ITGA9: variants seen among roughly 807,000 people sequenced by gnomAD.
ITGA9 encodes integrin alpha-9.
ITGA9 carries 56 observed loss-of-function variants against 127.8 expected under a neutral mutation model. The ratio of observed to expected loss-of-function variants is 0.44; its 90% CI spans 0.35 to 0.55. ITGA9 has a LOEUF of 0.55. Ranked by LOEUF, ITGA9 falls within the 20% of genes least tolerant of loss-of-function variation. ITGA9 has a pLI of 0.00. For synonymous variants in ITGA9, 508 were observed against 514.5 expected (o/e 0.99, Z 0.17); for missense variants, 1,196 against 1,347.1 (o/e 0.89, Z 1.76).
intron 5 of ITGA9, among the ~76,000 whole-genome samples, chr3:37,499,292 G>A (rs901075873): frequency 4.6e-5 from 7 of 152,234 alleles, no homozygotes; most frequent in Non-Finnish European, 7.3e-5. Flanking sequence ...GTTCAGCACG[G>A]ACTTCTGTTG....
At position 37,688,576 on chromosome 3, in the gene ITGA9, G is replaced by A. The variant is rs536974943; in HGVS notation, c.2067+4561G>A. On this transcript the variant is annotated intron_variant, in intron 18 of 27. Transcript: ENST00000264741. ...ACTCCTCAGCTCCTCATGAGAGGCC[G>A]TCCTGAGCCTGGTCCTGCCTGCCTG... is the stretch of plus-strand genomic sequence containing the variant. Among the ~76,000 whole-genome samples the A allele has an allele frequency of 2.2e-4, 33 of 152,220 alleles. No individual in the cohort carries two copies. The East Asian group carries it at 2.5e-3, about 12-fold the overall frequency.
chr3:37,522,843 A>C (rs1220069196), intron 11 of ITGA9, among the ~76,000 whole-genome samples: 1 of 152,002 alleles, frequency 6.6e-6, no homozygotes, highest in Non-Finnish European at 1.5e-5. Flanking sequence ...TGTTTTCTAG[A>C]GGGGAGGGCA....
chr3:37,801,889 G>A (rs901006927), intron 26 of ITGA9, among the ~76,000 whole-genome samples: 3 of 152,132 alleles, frequency 2.0e-5, no homozygotes, highest in East Asian at 1.9e-4. Context: ...CCTGGCACAC[G>A]CACACACTCT....
intron 8 of ITGA9, among the ~76,000 whole-genome samples, chr3:37,509,211 C>G (rs151226027): frequency 1.3e-5 from 2 of 152,280 alleles, no homozygotes; most frequent in African/African-American, 4.8e-5. Flanking sequence ...CTGGGTCCTC[C>G]CCACCCTGTC....
chr3:37,772,531 A>G (rs988072132), intron 23 of ITGA9, among the ~76,000 whole-genome samples: 4 of 151,950 alleles, frequency 2.6e-5, no homozygotes, highest in Non-Finnish European at 4.4e-5. Flanking sequence ...TGCAAGTGTT[A>G]GGTGCCGTTG....
rs1392086064 is a variant in ITGA9 at position 37,582,154 on chromosome 3, A to G, written c.1689+39569A>G. ...ATGACAATAGCAGCAAACAAACACC[A>G]TAGTGGTGATTTCATACTCATGAAA... On this transcript the variant is annotated intron_variant, in intron 15 of 27. Transcript: ENST00000264741. 2.0e-5 allele frequency among the ~76,000 whole-genome samples: 3 copies of G among 152,342 alleles called. No homozygotes were observed. In the East Asian group the frequency reaches 5.8e-4, roughly 29 times the overall value.
chr3:37,531,799 C>T (rs1699155274), intron 13 of ITGA9, among the ~76,000 whole-genome samples: 1 of 152,180 alleles, frequency 6.6e-6, no homozygotes, highest in African/African-American at 2.4e-5. Context: ...TTCACCGGAT[C>T]CCAGCCCTTG....
rs111431863 is a variant in ITGA9, at chr3:37,661,403, G to A, written c.1916+7613G>A. Among the ~76,000 whole-genome samples, 914 of 152,220 alleles carry A rather than the reference G, an allele frequency of 6.0e-3. 7 individuals carry two copies. The highest frequency in any genetic ancestry group is 0.027 in the Middle Eastern group (8 of 294). ...CGAATCCTCCATTAAAGAAACCTTC[G>A]TTGTACTTTTGGGCCCATAGCTGTT... is the stretch of plus-strand genomic sequence containing the variant. On this transcript the variant is annotated intron_variant, in intron 17 of 27. Coordinates refer to ENST00000264741, the MANE Select transcript of ITGA9 (RefSeq NM_002207.3).
chr3:37,488,727 G>A (rs1698636473), intron 4 of ITGA9, among the ~76,000 whole-genome samples: 1 of 151,980 alleles, frequency 6.6e-6, no homozygotes, highest in South Asian at 2.1e-4. Flanking sequence ...GAACCTGGGA[G>A]GCGGCGGTTG....
chr3:37,718,421 C>T (rs1056005747), intron 18 of ITGA9, among the ~76,000 whole-genome samples: 2 of 152,140 alleles, frequency 1.3e-5, no homozygotes, highest in African/African-American at 4.8e-5. Context: ...ACAGAGAGGA[C>T]CATAATACCA....
At chr3:37,605,440 CAG>C (rs1699959171) in intron 15 of ITGA9, among the ~76,000 whole-genome samples, 1 of 152,110 alleles carries the variant, frequency 6.6e-6, no homozygotes, top group African/African-American at 2.4e-5. Flanking sequence ...GGAGAGCAAG[CAG>C]AGAGTCTGAG....
chr3:37,787,047 G>GT (rs1160937216), intron 26 of ITGA9, among the ~76,000 whole-genome samples: 1 of 152,186 alleles, frequency 6.6e-6, no homozygotes, highest in Non-Finnish European at 1.5e-5. Context: ...TGGAGTTGGT[G>GT]TTTCCCTTTT....
At chr3:37,535,741 T>C (rs1037251190) in intron 14 of ITGA9, among the ~76,000 whole-genome samples, 2 of 152,190 alleles carry the variant, frequency 1.3e-5, no homozygotes, top group African/African-American at 4.8e-5. Context: ...TCTAAGGGTG[T>C]GTTTCCCCGA....
At chr3:37,511,993 CT>C (rs1559524315) in intron 8 of ITGA9, among the ~76,000 whole-genome samples, 13 of 29,144 alleles carry the variant, frequency 4.5e-4, no homozygotes, top group African/African-American at 7.4e-4. Flanking sequence ...CTTTTCTTTT[CT>C]TTTCTTTTCT....
At chr3:37,484,435 A>G (rs1698588927) in intron 4 of ITGA9, among the ~76,000 whole-genome samples, 1 of 152,104 alleles carries the variant, frequency 6.6e-6, no homozygotes, top group Non-Finnish European at 1.5e-5. Context: ...TGTGGTTTAA[A>G]CTAGACCTAC....
At position 37,539,552 on chromosome 3, in the gene ITGA9, T is replaced by A. The variant is rs1338264623; in HGVS notation, c.1529-2873T>A. Among the ~76,000 whole-genome samples the A allele has an allele frequency of 3.9e-5, 6 of 152,260 alleles. No individual in the cohort carries two copies. In the East Asian group the frequency reaches 1.2e-3, roughly 29 times the overall value. ...GTCTGAAAGCAGTCTAAAAGCAGTT[T>A]ATTTTTTTGGGAACCTTAGTCTTTT... On this transcript the variant is annotated intron_variant, in intron 14 of 27. Transcript: ENST00000264741.
At chr3:37,645,426 G>A (rs1202572151) in intron 16 of ITGA9, among the ~76,000 whole-genome samples, 1 of 152,124 alleles carries the variant, frequency 6.6e-6, no homozygotes, top group Non-Finnish European at 1.5e-5. Context: ...AAATTAGCGG[G>A]GCATGGTGGT....
chr3:37,575,917 G>A (rs1457369527), intron 15 of ITGA9, among the ~76,000 whole-genome samples: 2 of 152,152 alleles, frequency 1.3e-5, no homozygotes, highest in African/African-American at 4.8e-5. Flanking sequence ...TGAGTTTTAG[G>A]GGGGCTAATT....
intron 1 of ITGA9, among the ~76,000 whole-genome samples, chr3:37,466,446 T>TGCACTCCA (rs1377102808): frequency 8.4e-6 from 1 of 118,764 alleles, no homozygotes; most frequent in Admixed American, 1.2e-4. Context: ...ATCGCCGCAC[T>TGCACTCCA]GCACTCCAGC....
Sources: allele counts gnomAD v4.1 joint callset (sites outside exome capture counted in the v4.1 genomes callset), GRCh38; gene constraint gnomAD v4.1.1; transcripts MANE v1.5; gene names NCBI Gene and HGNC (gene_info 2026-07-23, HGNC 2026-07-21).